The following MIGA2 variants were observed in gnomAD, a reference collection of about 807,000 sequenced individuals.
MIGA2 encodes the protein family with sequence similarity 73, member B.
MIGA2 carries 36 observed loss-of-function variants against 69.9 expected under a neutral mutation model. The ratio of observed to expected loss-of-function variants is 0.52; its 90% CI spans 0.39 to 0.68. The LOEUF (loss-of-function observed/expected upper bound fraction) is 0.68, where lower values mean the gene tolerates loss of function less well. Among genes scored for constraint, MIGA2 ranks in the 30% least tolerant of loss-of-function variants. The probability of loss-of-function intolerance (pLI) is 0.00; values close to 1 mark genes in which losing one functional copy is unlikely to be tolerated. For synonymous variants in MIGA2, 333 were observed against 349.2 expected (o/e 0.95, Z 0.52); for missense variants, 660 against 787.7 (o/e 0.84, Z 1.94).
chr9:129,070,491 C>T lies in MIGA2; in HGVS notation c.*38C>T. Reference sequence around the variant, plus strand: ...CTGGGGGGTGGCAGAGAGAAGGCTCCTCCTCCCTTCCCTGGGTTGGTATCT... The same window carrying T: ...CTGGGGGGTGGCAGAGAGAAGGCTCTTCCTCCCTTCCCTGGGTTGGTATCT... On this transcript the variant is annotated 3_prime_UTR_variant, in exon 16 of 16. Transcript: ENST00000684074. 2.0e-6 allele frequency: 3 copies of T among 1,478,442 alleles called. No individual in the cohort carries two copies. The South Asian group carries it at 4.0e-5, about 19-fold the overall frequency. 91.6% of individuals were successfully genotyped at this position (1,478,442 alleles called of 1,614,324 possible). A position where few individuals can be genotyped will look rare whatever the true frequency, so the allele number is the denominator to read the frequency against.
intron 11 of MIGA2, among the ~76,000 whole-genome samples, chr9:129,066,446 G>T (rs557724601): frequency 6.7e-6 from 1 of 148,834 alleles, no homozygotes; most frequent in South Asian, 2.2e-4. Context: ...AGGCCAAGGC[G>T]GGAGGATCAC....
Position 129,069,641 on chromosome 9 carries a change from C to T in MIGA2, c.1459-208C>T. ...CCGCGGAGCCACTATGGCCCCACCT[C>T]TTGCAGTACTCACAGCGGCCCATGG... On this transcript the variant is annotated intron_variant, in intron 14 of 15. Coordinates refer to ENST00000684074, the MANE Select transcript of MIGA2 (RefSeq NM_001329990.2). The surrounding 1 kb of genome is among the most constrained non-coding windows in gnomAD (Gnocchi z 4.9). The T allele has an allele frequency of 1.7e-6, 1 of 599,120 alleles. No individual in the cohort carries two copies. Among genetic ancestry groups the T allele is most frequent in the Non-Finnish European group, 3.0e-6 (1 of 332,790 alleles). 37.1% of individuals were successfully genotyped at this position (599,120 alleles called of 1,614,324 possible). A position where few individuals can be genotyped will look rare whatever the true frequency, so the allele number is the denominator to read the frequency against.
intron 6 of MIGA2, among the ~76,000 whole-genome samples, chr9:129,056,613 G>C (rs1845810520): frequency 6.6e-6 from 1 of 151,818 alleles, no homozygotes; most frequent in Non-Finnish European, 1.5e-5. Context: ...CCACTTCCTG[G>C]GTTCAAGCGA....
chr9:129,050,899 G>A (rs1354704402), intron 6 of MIGA2, among the ~76,000 whole-genome samples: 1 of 150,010 alleles, frequency 6.7e-6, no homozygotes, highest in Non-Finnish European at 1.5e-5. Context: ...TTGAGACAGA[G>A]TTTCGCTCTT....
intron 6 of MIGA2, among the ~76,000 whole-genome samples, chr9:129,052,375 G>C (rs961731177): frequency 6.6e-6 from 1 of 151,884 alleles, no homozygotes; most frequent in East Asian, 1.9e-4. Context: ...CACCCGCCTC[G>C]GCCTCCCAAA....
In MIGA2 at chr9:129,061,249, A is replaced by T; in HGVS notation, c.913A>T (p.Thr305Ser). Residue 305 changes from threonine to serine, a missense_variant, in exon 9 of 16, where the codon ACT becomes TCT. Transcript: ENST00000684074. The surrounding 1 kb of genome is among the most constrained non-coding windows in gnomAD (Gnocchi z 5.0). Reference protein sequence around the residue: ...SATELFESLQTGDYPIPLSRP... With the variant: ...SATELFESLQSGDYPIPLSRP... ...CTCCCAGCTCTTTGAGTCCCTGCAG[A>T]CTGGAGATTACCCGATCCCACTCTC... 6.2e-7 allele frequency: 1 copy of T among 1,611,392 alleles called. No homozygotes were observed. The highest frequency in any genetic ancestry group is 8.5e-7 in the Non-Finnish European group (1 of 1,179,324).
rs1473025990 is a variant in MIGA2, at chr9:129,060,617, G to A, written c.861G>A (p.Leu287=). 1 of 1,603,752 alleles carries A rather than the reference G, an allele frequency of 6.2e-7. No homozygotes were observed. The highest frequency in any genetic ancestry group is 1.7e-5 in the Admixed American group (1 of 58,948). Residue 287 remains leucine (L), a synonymous_variant, in exon 8 of 16, where the codon CTG becomes CTA. Transcript: ENST00000684074. The surrounding 1 kb of genome is among the most constrained non-coding windows in gnomAD (Gnocchi z 4.8). ...TGCGGGCGGACGATGAGGACAGCCT[G>A]ACTTCAGAGGATTCCTTCTTCTCCG... ...LRLRADDEDS[L]TSEDSFFSAT...
intron 6 of MIGA2, among the ~76,000 whole-genome samples, chr9:129,051,752 A>G (rs1436835274): frequency 6.7e-6 from 1 of 150,062 alleles, no homozygotes; most frequent in Admixed American, 6.7e-5. Flanking sequence ...GCCTGCCACC[A>G]TGCCCGGCTA....
Position 129,070,621 on chromosome 9 carries a change from C to G in MIGA2, c.*168C>G, listed in dbSNP as rs533754929. 1 of 733,236 alleles carries G rather than the reference C, an allele frequency of 1.4e-6. No homozygotes were observed. Among genetic ancestry groups the G allele is most frequent in the South Asian group, 2.0e-5 (1 of 49,622 alleles). The allele number at this position is 733,236 out of a possible 1,614,324, so 45.4% of individuals were successfully genotyped here. A position where few individuals can be genotyped will look rare whatever the true frequency, so the allele number is the denominator to read the frequency against. ...GACATTTCCATGGAGAAGAACGGTT[C>G]CTGGGGGAAGCAGAGGCCAGGACCA... is the stretch of plus-strand genomic sequence containing the variant. On this transcript the variant is annotated 3_prime_UTR_variant, in exon 16 of 16. Transcript: ENST00000684074.
rs1846178245 is a variant in MIGA2, at chr9:129,063,547, G to A, written c.1086G>A (p.Gly362=). The change falls in exon 11 of 16, where the codon GGG becomes GGA. Residue 362 remains glycine, a splice_region_variant and synonymous_variant. Transcript: ENST00000684074. ...CCCCTCCCTTCCTCCTTCCCTAGGG[G>A]CTTCTGGAAGACAAGAGTAACCAGC... The part of the protein sequence containing the change: ...KLHCVRQAFE[G]LLEDKSNQLF... 2 of 1,612,780 alleles carry A rather than the reference G, an allele frequency of 1.2e-6. No individual in the cohort carries two copies. The highest frequency in any genetic ancestry group is 8.5e-7 in the Non-Finnish European group (1 of 1,179,536).
At chr9:129,040,755 T>C in intron 2 of MIGA2, 65 bp downstream of exon 2, 2 of 1,456,794 alleles carry the variant, frequency 1.4e-6, no homozygotes, top group Non-Finnish European at 1.9e-6. Context: ...CAAGGGCTCC[T>C]CCGTGTCCAG....
At chr9:129,062,268 T>C (rs1846103687) in intron 9 of MIGA2, among the ~76,000 whole-genome samples, 1 of 151,806 alleles carries the variant, frequency 6.6e-6, no homozygotes, top group Admixed American at 6.6e-5. Context: ...GGGTGGCTCA[T>C]GCCTATAATT....
At chr9:129,063,178 A>G (rs1846155147) in intron 9 of MIGA2, 66 bp from the exon 10 acceptor site, 3 of 1,566,042 alleles carry the variant, frequency 1.9e-6, no homozygotes, top group Non-Finnish European at 2.6e-6. Context: ...CCCAGGTGCC[A>G]CCTGACCCCC....
intron 6 of MIGA2, among the ~76,000 whole-genome samples, chr9:129,055,211 G>T (rs973928678): frequency 6.6e-6 from 1 of 151,626 alleles, no homozygotes; most frequent in African/African-American, 2.4e-5. Context: ...CTGAGTAGCT[G>T]GGATTACAGG....
In MIGA2 at chr9:129,061,342, C is replaced by G; in HGVS notation, c.1006C>G (p.Leu336Val). ...GGAGGGGAGAGTGCCTTGCCGGACC[C>G]TCAGGTGAGCAGGTGTGGAGGGAGG... is the stretch of plus-strand genomic sequence containing the variant. ...VKEGRVPCRT[L>V]RTELLGCYSD... The change falls in exon 9 of 16, where the codon CTC (leucine) becomes GTC (valine). Residue 336 changes from leucine (L) to valine (V), a missense_variant. Around this residue, in one of 3 missense-constraint regions of MIGA2, gnomAD observed 386 missense variants for 402.0 expected, o/e 0.96. Coordinates refer to ENST00000684074, the MANE Select transcript of MIGA2 (RefSeq NM_001329990.2). The surrounding 1 kb of genome is among the most constrained non-coding windows in gnomAD (Gnocchi z 5.0). 6.2e-7 allele frequency: 1 copy of G among 1,602,068 alleles called. No individual in the cohort carries two copies.
chr9:129,037,795 T>G (rs1253886351), intron 1 of MIGA2, among the ~76,000 whole-genome samples: 1 of 152,168 alleles, frequency 6.6e-6, no homozygotes, highest in Non-Finnish European at 1.5e-5. Flanking sequence ...GAAGGAGCAG[T>G]GGCAGTTGTA....
At position 129,068,036 on chromosome 9, in the gene MIGA2, A is replaced by G. The variant is rs1013117709; in HGVS notation, c.1270-162A>G. ...TGCCCCAGGCCAAGGCAGAGGGAGG[A>G]ATGGCCTCAGCTACACCCGTTGCAC... On this transcript the variant is annotated intron_variant, in intron 12 of 15. Transcript: ENST00000684074. This position sits in a 1 kb window ranked among gnomAD's most constrained non-coding sequence, Gnocchi z 4.1. 1 of 1,266,740 alleles carries G rather than the reference A, an allele frequency of 7.9e-7. No homozygotes were observed. Among genetic ancestry groups the G allele is most frequent in the East Asian group, 2.5e-5 (1 of 40,530 alleles). The allele number at this position is 1,266,740 out of a possible 1,614,324, so 78.5% of individuals were successfully genotyped here.
At chr9:129,067,645 A>G in intron 11 of MIGA2, 128 bp from the exon 12 acceptor site, 1 of 786,860 alleles carries the variant, frequency 1.3e-6, no homozygotes, top group Non-Finnish European at 2.1e-6. Context: ...CTTCTCTGCC[A>G]CGTTTTCTCT....
intron 3 of MIGA2, among the ~76,000 whole-genome samples, chr9:129,044,364 A>G (rs1845095739): frequency 6.6e-6 from 1 of 151,682 alleles, no homozygotes; most frequent in Non-Finnish European, 1.5e-5. Context: ...GAACTGTTCT[A>G]TCGTTGTATC....
Sources: allele counts gnomAD v4.1 joint callset (sites outside exome capture counted in the v4.1 genomes callset), GRCh38; gene constraint gnomAD v4.1.1; regional missense constraint gnomAD v4.1.1; non-coding constraint Gnocchi (gnomAD v3.1); transcripts MANE v1.5; gene names NCBI Gene and HGNC (gene_info 2026-07-23, HGNC 2026-07-21).